Variants in PON1 observed in about 807,000 individuals in gnomAD.
PON1 encodes the protein serum paraoxonase/arylesterase 1.
In PON1, 37 loss-of-function variants were observed where a neutral mutation model predicts 39.2. The observed-to-expected ratio is 0.94, with a 90% CI of 0.73 to 1.24. The LOEUF (loss-of-function observed/expected upper bound fraction) is 1.24. Among genes scored for constraint, PON1 ranks in the 50% most tolerant of loss-of-function variants. The probability of loss-of-function intolerance (pLI) is 0.00; values close to 1 mark genes in which losing one functional copy is unlikely to be tolerated. For synonymous variants in PON1, 148 were observed against 152.2 expected (o/e 0.97, Z 0.21); for missense variants, 397 against 413.5 (o/e 0.96, Z 0.35).
intron 8 of PON1, 94 bp from the exon 9 acceptor site, chr7:95,299,196 A>G: frequency 7.9e-7 from 1 of 1,259,034 alleles, no homozygotes; most frequent in Admixed American, 1.7e-5. Flanking sequence ...AAGCCATATA[A>G]TCTTATACAA....
intron 4 of PON1, among the ~76,000 whole-genome samples, chr7:95,312,954 GT>G (rs1156933632): frequency 6.6e-6 from 1 of 152,210 alleles, no homozygotes; most frequent in Admixed American, 6.5e-5. Context: ...AATCAGTCTT[GT>G]TAGGGCTTAA....
chr7:95,301,499 G>A (rs1807419967), intron 8 of PON1, among the ~76,000 whole-genome samples: 1 of 152,100 alleles, frequency 6.6e-6, no homozygotes, highest in Non-Finnish European at 1.5e-5. Context: ...CTTAACCAGA[G>A]GCCAAGTTCC....
Position 95,298,712 on chromosome 7 carries a change from A to C in PON1, c.*232T>G, listed in dbSNP as rs1807346010. ...TGATTTATCCATTTTAGTGAGAAGGATTTTTATGGTAAATGAGGTTTTCAA... is the reference window on the plus strand; with the variant it reads ...TGATTTATCCATTTTAGTGAGAAGGCTTTTTATGGTAAATGAGGTTTTCAA... On this transcript the variant is annotated 3_prime_UTR_variant, in exon 9 of 9. Coordinates refer to ENST00000222381, the MANE Select transcript of PON1 (RefSeq NM_000446.7). 2 of 588,108 alleles carry C rather than the reference A, an allele frequency of 3.4e-6. No homozygotes were observed. Among genetic ancestry groups the C allele is most frequent in the South Asian group, 4.0e-5 (2 of 50,216 alleles). The allele number at this position is 588,108 out of a possible 1,614,324, so 36.4% of individuals were successfully genotyped here.
chr7:95,307,145 C>T (rs1585694294), intron 6 of PON1, among the ~76,000 whole-genome samples: 1 of 151,666 alleles, frequency 6.6e-6, no homozygotes, highest in Non-Finnish European at 1.5e-5. Context: ...ACTGCAACCT[C>T]CACCTCCCAG....
intron 2 of PON1, among the ~76,000 whole-genome samples, chr7:95,317,599 A>G (rs1177090936): frequency 6.7e-6 from 1 of 148,560 alleles, no homozygotes; most frequent in East Asian, 1.9e-4. Flanking sequence ...AAAAAGAAAG[A>G]AAAAGAAACA....
intron 1 of PON1, among the ~76,000 whole-genome samples, chr7:95,324,096 A>T (rs1421422871): frequency 6.6e-6 from 1 of 152,232 alleles, no homozygotes; most frequent in African/African-American, 2.4e-5. Flanking sequence ...TTCCAGGTTG[A>T]GAAGTGAATC....
chr7:95,310,811 G>A (rs1007663255), intron 5 of PON1, among the ~76,000 whole-genome samples: 2 of 152,158 alleles, frequency 1.3e-5, no homozygotes, highest in Non-Finnish European at 2.9e-5. Flanking sequence ...AGATAGAGTC[G>A]GATTGTTCTC....
intron 1 of PON1, among the ~76,000 whole-genome samples, chr7:95,324,089 C>T (rs1807959589): frequency 6.6e-6 from 1 of 152,162 alleles, no homozygotes; most frequent in South Asian, 2.1e-4. Context: ...TGTTTCTTTC[C>T]AGGTTGAGAA....
intron 7 of PON1, among the ~76,000 whole-genome samples, chr7:95,303,450 G>A (rs1008021877): frequency 6.6e-6 from 1 of 152,162 alleles, no homozygotes; most frequent in Non-Finnish European, 1.5e-5. Context: ...TTTGTTTCAG[G>A]GCTTTGCTCT....
At chr7:95,319,186 A>G (rs1256042073) in intron 1 of PON1, among the ~76,000 whole-genome samples, 1 of 147,938 alleles carries the variant, frequency 6.8e-6, no homozygotes, top group African/African-American at 2.5e-5. Context: ...GCAAGTAGTG[A>G]CAATTATCCA....
rs557851844 is a variant in PON1 at position 95,308,504 on chromosome 7, G to A, written c.498-293C>T. On this transcript the variant is annotated intron_variant, in intron 5 of 8. Transcript: ENST00000222381. ...TGTGTGTGTGTGTGTGTGTGTGTGT[G>A]TGTGTGTATCTGTGTGTGTCTGTGT... Among the ~76,000 whole-genome samples the A allele has an allele frequency of 4.0e-5, 6 of 149,662 alleles. 1 individual carries two copies. In the South Asian group the frequency reaches 1.3e-3, roughly 31 times the overall value.
At chr7:95,311,219 A>G (rs1205679394) in intron 5 of PON1, among the ~76,000 whole-genome samples, 1 of 152,180 alleles carries the variant, frequency 6.6e-6, no homozygotes, top group Admixed American at 6.5e-5. Context: ...GGAGATCCTG[A>G]GGCCAGGAGC....
chr7:95,322,476 C>CCAGGTCATCAGGAATCCA (rs1807920966), intron 1 of PON1, among the ~76,000 whole-genome samples: 1 of 151,678 alleles, frequency 6.6e-6, no homozygotes. Context: ...GATATCTAAC[C>CCAGGTCATCAGGAATCCA]CAGGTCATCA....
chr7:95,299,502 G>A (rs145982227), intron 8 of PON1, among the ~76,000 whole-genome samples: 20 of 152,250 alleles, frequency 1.3e-4, no homozygotes, highest in Admixed American at 2.6e-4. Context: ...GTCTGTGAGC[G>A]TGTTGCCAAA....
rs183323457 is a variant in PON1, at chr7:95,307,213, C to A, written c.698+798G>T. On this transcript the variant is annotated intron_variant, in intron 6 of 8. Transcript: ENST00000222381. The stretch of plus-strand genomic sequence containing the variant: ...TAGCTGGGATTACAGGAGTGCGCCA[C>A]CACGCCTGGCTAATTTTTGTATTTT... Among the ~76,000 whole-genome samples, 6 of 152,130 alleles carry A rather than the reference C, an allele frequency of 3.9e-5. No individual in the cohort carries two copies. The East Asian group carries it at 1.2e-3, about 29-fold the overall frequency.
intron 1 of PON1, among the ~76,000 whole-genome samples, chr7:95,320,121 G>T (rs1807862588): frequency 6.6e-6 from 1 of 152,164 alleles, no homozygotes; most frequent in Non-Finnish European, 1.5e-5. Context: ...TGGAAGGAGA[G>T]ATTCAAGGAC....
chr7:95,321,778 A>T (rs746504860), intron 1 of PON1, among the ~76,000 whole-genome samples: 10 of 152,156 alleles, frequency 6.6e-5, no homozygotes, highest in Non-Finnish European at 1.5e-4. Flanking sequence ...CCCACTGGAA[A>T]GACCCCTACT....
chr7:95,306,408 A>G (rs1807542282), intron 6 of PON1, 42 bp from the exon 7 acceptor site: 2 of 1,336,046 alleles, frequency 1.5e-6, no homozygotes, highest in Non-Finnish European at 2.2e-6. Flanking sequence ...TAGAAGTAAC[A>G]CAACTTGAGA....
At position 95,308,218 on chromosome 7, in the gene PON1, T is replaced by C; in HGVS notation, c.498-7A>G. ...AGCAACAATATCATTCAAACTGCAATTAAAACATACACACATAATATATAA... is the reference window on the plus strand; with the variant it reads ...AGCAACAATATCATTCAAACTGCAACTAAAACATACACACATAATATATAA... On this transcript the variant is annotated splice_polypyrimidine_tract_variant and splice_region_variant and intron_variant, in intron 5 of 8. Transcript: ENST00000222381. The C allele has an allele frequency of 6.2e-7, 1 of 1,611,360 alleles. No homozygotes were observed. The highest frequency in any genetic ancestry group is 8.5e-7 in the Non-Finnish European group (1 of 1,177,752).
Sources: allele counts gnomAD v4.1 joint callset (sites outside exome capture counted in the v4.1 genomes callset), GRCh38; gene constraint gnomAD v4.1.1; transcripts MANE v1.5; gene names NCBI Gene and HGNC (gene_info 2026-07-23, HGNC 2026-07-21).